Variants in ITGA9 observed in about 807,000 individuals in gnomAD.
ITGA9 encodes the protein integrin subunit alpha 9, also known as integrin alpha-9.
ITGA9 carries 56 observed loss-of-function variants against 127.8 expected under a neutral mutation model. That is an observed-to-expected ratio of 0.44 (90% CI 0.35 to 0.55). ITGA9 has a LOEUF of 0.55. Ranked by LOEUF, ITGA9 falls within the 20% of genes least tolerant of loss-of-function variation. ITGA9 has a pLI of 0.00. For missense variants in ITGA9, 1,196 were observed against 1,347.1 expected, an observed-to-expected ratio of 0.89 and a Z score of 1.76; for synonymous variants, 508 against 514.5, an observed-to-expected ratio of 0.99 and a Z score of 0.17.
intron 23 of ITGA9, among the ~76,000 whole-genome samples, chr3:37,770,551 A>G (rs1696830431): frequency 6.6e-6 from 1 of 152,090 alleles, no homozygotes; most frequent in Non-Finnish European, 1.5e-5. Flanking sequence ...TTATCTGACC[A>G]CCTCAGCCTG....
At chr3:37,600,734 G>A (rs1699915233) in intron 15 of ITGA9, among the ~76,000 whole-genome samples, 1 of 152,220 alleles carries the variant, frequency 6.6e-6, no homozygotes, top group African/African-American at 2.4e-5. Flanking sequence ...CCCCACTGGA[G>A]CTCCATGGGC....
At chr3:37,667,821 G>A in intron 17 of ITGA9, among the ~76,000 whole-genome samples, 1 of 152,184 alleles carries the variant, frequency 6.6e-6, no homozygotes, top group Non-Finnish European at 1.5e-5. Context: ...AGAGGCAGGA[G>A]AAACACCTGG....
At chr3:37,601,012 A>C (rs940610589) in intron 15 of ITGA9, among the ~76,000 whole-genome samples, 3 of 152,258 alleles carry the variant, frequency 2.0e-5, no homozygotes, top group African/African-American at 7.2e-5. Context: ...CCTGGACATC[A>C]GTCACGTGGC....
intron 26 of ITGA9, among the ~76,000 whole-genome samples, chr3:37,800,359 A>G: frequency 6.6e-6 from 1 of 152,212 alleles, no homozygotes; most frequent in East Asian, 1.9e-4. Context: ...CAGAACTGCC[A>G]CATTTCCCTA....
At chr3:37,700,352 T>A (rs939722006) in intron 18 of ITGA9, among the ~76,000 whole-genome samples, 1 of 151,868 alleles carries the variant, frequency 6.6e-6, no homozygotes, top group Non-Finnish European at 1.5e-5. Context: ...TTTCTACATA[T>A]AATATGCAAT....
chr3:37,590,655 G>T (rs940503869), intron 15 of ITGA9, among the ~76,000 whole-genome samples: 1 of 151,488 alleles, frequency 6.6e-6, no homozygotes, highest in Non-Finnish European at 1.5e-5. Context: ...GCCTTGTCTG[G>T]TGCTGGAAGG....
chr3:37,542,524 C>A lies in ITGA9; in HGVS notation c.1628C>A (p.Thr543Lys), dbSNP rs1043426144. ...CTGGGAGAGACCATGGGTCAGGTCA[C>A]AGAGAAGCTGCAGCTGACTTACATG... is the stretch of plus-strand genomic sequence containing the variant. The part of the protein sequence containing the change: ...VLLGETMGQV[T>K]EKLQLTYMEE... The change falls in exon 15 of 28, where the codon ACA (threonine) becomes AAA (lysine). Residue 543 changes from threonine to lysine, a missense_variant. By Grantham distance (78) the Thr-to-Lys change is moderately conservative (BLOSUM62 -1). Coordinates refer to ENST00000264741, the MANE Select transcript of ITGA9 (RefSeq NM_002207.3). 2.5e-6 allele frequency: 4 copies of A among 1,614,170 alleles called. No individual in the cohort carries two copies. Among genetic ancestry groups the A allele is most frequent in the Non-Finnish European group, 3.4e-6 (4 of 1,180,034 alleles).
At chr3:37,455,852 G>A (rs1359400737) in intron 1 of ITGA9, among the ~76,000 whole-genome samples, 1 of 152,224 alleles carries the variant, frequency 6.6e-6, no homozygotes, top group African/African-American at 2.4e-5. Context: ...TCTGCAGGCG[G>A]CAGAGTAGAG....
At chr3:37,645,406 A>AAAAACAC (rs1700367600) in intron 16 of ITGA9, among the ~76,000 whole-genome samples, 1 of 152,174 alleles carries the variant, frequency 6.6e-6, no homozygotes, top group African/African-American at 2.4e-5. Context: ...CATCTCTACT[A>AAAAACAC]AAAACACAAA....
In ITGA9 at chr3:37,586,389, C is replaced by T. The variant is rs114896293; in HGVS notation, c.1690-42798C>T. Among the ~76,000 whole-genome samples, 228 of 152,304 alleles carry T rather than the reference C, an allele frequency of 1.5e-3. 1 individual carries two copies. The highest frequency in any genetic ancestry group is 4.7e-3 in the African/African-American group (195 of 41,572). On this transcript the variant is annotated intron_variant, in intron 15 of 27. Transcript: ENST00000264741. Reference sequence around the variant, plus strand: ...AAGCTCTGCAAAGGACTTTCTCTGACAGACGGCTCTAGGCAGGGGGAAGCT... The same window carrying T: ...AAGCTCTGCAAAGGACTTTCTCTGATAGACGGCTCTAGGCAGGGGGAAGCT...
In ITGA9 at chr3:37,572,376, G is replaced by C. The variant is rs182373464; in HGVS notation, c.1689+29791G>C. ...AAAATGACCGCAAGAAGGCCTTACT[G>C]TGGGGTGGTTAAGAGCATGGCCTGG... On this transcript the variant is annotated intron_variant, in intron 15 of 27. Transcript: ENST00000264741. Among the ~76,000 whole-genome samples, 404 of 152,270 alleles carry C rather than the reference G, an allele frequency of 2.7e-3. 1 individual carries two copies. Among genetic ancestry groups the C allele is most frequent in the Non-Finnish European group, 4.3e-3 (291 of 68,016 alleles).
At position 37,642,117 on chromosome 3, in the gene ITGA9, AT is replaced by A. The variant is rs1263946751; in HGVS notation, c.1840-11588del. 3.7e-4 allele frequency among the ~76,000 whole-genome samples: 55 copies of A among 150,460 alleles called. 1 individual carries two copies. The South Asian group carries it at 4.0e-3, about 11-fold the overall frequency. ...CACGCCTGGCTATTTAAAAAAAAAAATTTTTTTTTCTGGACACAGGGTTTCC... is the reference window on the plus strand; with the variant it reads ...CACGCCTGGCTATTTAAAAAAAAAAATTTTTTTTCTGGACACAGGGTTTCC... On this transcript the variant is annotated intron_variant, in intron 16 of 27. Coordinates refer to ENST00000264741, the MANE Select transcript of ITGA9 (RefSeq NM_002207.3).
intron 26 of ITGA9, among the ~76,000 whole-genome samples, chr3:37,795,605 CTGTTT>C (rs1697162204): frequency 6.6e-6 from 1 of 152,316 alleles, no homozygotes; most frequent in African/African-American, 2.4e-5. Context: ...CCATTTTCGT[CTGTTT>C]TGTTAGTCAG....
At chr3:37,487,581 G>A (rs1698623966) in intron 4 of ITGA9, among the ~76,000 whole-genome samples, 1 of 152,316 alleles carries the variant, frequency 6.6e-6, no homozygotes, top group South Asian at 2.1e-4. Context: ...GGTGCCAGGG[G>A]TTGTGCTAGG....
chr3:37,549,795 T>C (rs753432660), intron 15 of ITGA9, among the ~76,000 whole-genome samples: 2 of 152,244 alleles, frequency 1.3e-5, no homozygotes, highest in Non-Finnish European at 2.9e-5. Flanking sequence ...GGTCCATTTT[T>C]ACTCTAGGAG....
At chr3:37,644,196 GGGCTGGGA>G (rs1477740462) in intron 16 of ITGA9, among the ~76,000 whole-genome samples, 4 of 152,154 alleles carry the variant, frequency 2.6e-5, no homozygotes, top group Non-Finnish European at 5.9e-5. Flanking sequence ...GAAGAGCACT[GGGCTGGGA>G]GTCCCATGGG....
intron 26 of ITGA9, among the ~76,000 whole-genome samples, chr3:37,785,859 C>A (rs2685109): frequency 0.1 from 15,740 of 152,194 alleles, 906 homozygotes; most frequent in Middle Eastern, 0.17. Flanking sequence ...TTACCACCCC[C>A]TTCTCCTCCA....
intron 15 of ITGA9, among the ~76,000 whole-genome samples, chr3:37,571,990 G>A (rs1357222813): frequency 6.6e-6 from 1 of 152,042 alleles, no homozygotes. Flanking sequence ...TTCTGGGCTA[G>A]TGGGGATCAT....
intron 18 of ITGA9, among the ~76,000 whole-genome samples, chr3:37,706,535 T>C (rs904642104): frequency 6.6e-6 from 1 of 152,102 alleles, no homozygotes; most frequent in Admixed American, 6.5e-5. Context: ...GAGAAGCATA[T>C]AGAAAGTCAC....
Sources: allele counts gnomAD v4.1 joint callset (sites outside exome capture counted in the v4.1 genomes callset), GRCh38; gene constraint gnomAD v4.1.1; transcripts MANE v1.5; gene names NCBI Gene and HGNC (gene_info 2026-07-23, HGNC 2026-07-21).